Variants in MOB3B observed in about 807,000 individuals in gnomAD.
MOB3B encodes MOB kinase activator-like 2B.
In MOB3B, 7 loss-of-function variants were observed where a neutral mutation model predicts 18.7. The ratio of observed to expected loss-of-function variants is 0.37; its 90% CI spans 0.21 to 0.70. The LOEUF (loss-of-function observed/expected upper bound fraction) is 0.70. Among genes scored for constraint, MOB3B ranks in the 30% least tolerant of loss-of-function variants. The pLI is 0.52. For synonymous variants in MOB3B, 111 were observed against 99.9 expected, an observed-to-expected ratio of 1.11 and a Z score of -0.66; for missense variants, 253 against 281.3, an observed-to-expected ratio of 0.90 and a Z score of 0.72.
At chr9:27,487,584 G>A (rs1442489368) in intron 1 of MOB3B, among the ~76,000 whole-genome samples, 2 of 151,952 alleles carry the variant, frequency 1.3e-5, no homozygotes, top group East Asian at 3.9e-4. Flanking sequence ...GCTGCCTGAT[G>A]TACCACGAGT....
intron 3 of MOB3B, among the ~76,000 whole-genome samples, chr9:27,341,616 T>G (rs750097678): frequency 1.3e-5 from 2 of 152,208 alleles, no homozygotes; most frequent in Non-Finnish European, 2.9e-5. Flanking sequence ...TACCACCTAT[T>G]GAAACATGTT....
At chr9:27,341,484 A>G (rs1820940628) in intron 3 of MOB3B, among the ~76,000 whole-genome samples, 1 of 152,228 alleles carries the variant, frequency 6.6e-6, no homozygotes, top group African/African-American at 2.4e-5. Context: ...GGAAGTCTGT[A>G]GTTTCTAAGC....
intron 2 of MOB3B, among the ~76,000 whole-genome samples, chr9:27,384,429 C>T (rs1324802458): frequency 1.3e-5 from 2 of 152,016 alleles, no homozygotes; most frequent in Non-Finnish European, 2.9e-5. Flanking sequence ...TTTCAGAGCT[C>T]AGTAATTCAA....
At chr9:27,485,319 G>T (rs1216762213) in intron 1 of MOB3B, among the ~76,000 whole-genome samples, 1 of 152,152 alleles carries the variant, frequency 6.6e-6, no homozygotes, top group East Asian at 1.9e-4. Context: ...ATTTTACACA[G>T]GAAGGAAATG....
At chr9:27,527,848 C>T (rs878989851) in intron 1 of MOB3B, among the ~76,000 whole-genome samples, 2 of 152,104 alleles carry the variant, frequency 1.3e-5, no homozygotes, top group Non-Finnish European at 2.9e-5. Flanking sequence ...TTGCTTTTGC[C>T]CCAGTTCTTT....
chr9:27,347,429 C>T (rs1821043473), intron 3 of MOB3B, among the ~76,000 whole-genome samples: 1 of 152,234 alleles, frequency 6.6e-6, no homozygotes, highest in Non-Finnish European at 1.5e-5. Flanking sequence ...CAGCCATGTT[C>T]CTGGAACGTA....
chr9:27,446,816 G>A (rs924135622), intron 2 of MOB3B, among the ~76,000 whole-genome samples: 1 of 152,152 alleles, frequency 6.6e-6, no homozygotes, highest in Admixed American at 6.6e-5. Flanking sequence ...CTAAAATTAT[G>A]CTAGTAAAAT....
rs1035088155 is a variant in MOB3B at position 27,330,427 on chromosome 9, C to T, written c.*160G>A. ...CAGCACTCAGAAGGTTAAGAGCACA[C>T]AAAGTGAGTGGGGAATGTCTCTCAG... On this transcript the variant is annotated 3_prime_UTR_variant, in exon 4 of 4. Coordinates refer to ENST00000262244, the MANE Select transcript of MOB3B (RefSeq NM_024761.5). 1 of 896,334 alleles carries T rather than the reference C, an allele frequency of 1.1e-6. No homozygotes were observed. Among genetic ancestry groups the T allele is most frequent in the South Asian group, 1.8e-5 (1 of 56,940 alleles). The allele number at this position is 896,334 out of a possible 1,614,324, so 55.5% of individuals were successfully genotyped here.
chr9:27,523,791 A>G (rs1820380090), intron 1 of MOB3B, among the ~76,000 whole-genome samples: 1 of 152,184 alleles, frequency 6.6e-6, no homozygotes, highest in African/African-American at 2.4e-5. Context: ...AATTGGAAAA[A>G]CCTAAACTAT....
intron 2 of MOB3B, among the ~76,000 whole-genome samples, chr9:27,432,766 G>A (rs1822435336): frequency 6.6e-6 from 1 of 152,152 alleles, no homozygotes; most frequent in African/African-American, 2.4e-5. Context: ...ATTTTAATCA[G>A]TGTTAATGCA....
intron 2 of MOB3B, among the ~76,000 whole-genome samples, chr9:27,404,414 G>C (rs1390409170): frequency 7.9e-6 from 1 of 126,310 alleles, no homozygotes; most frequent in East Asian, 2.4e-4. Flanking sequence ...GGAGTGCAAT[G>C]GTGCGATCTC....
At chr9:27,465,289 G>A (rs1447427039) in intron 1 of MOB3B, among the ~76,000 whole-genome samples, 1 of 152,160 alleles carries the variant, frequency 6.6e-6, no homozygotes, top group Non-Finnish European at 1.5e-5. Context: ...AAATCCAGCA[G>A]GGCAGTCAAA....
chr9:27,520,726 C>T (rs938507743), intron 1 of MOB3B, among the ~76,000 whole-genome samples: 8 of 152,178 alleles, frequency 5.3e-5, no homozygotes, highest in African/African-American at 1.7e-4. Context: ...GAAATGCAAT[C>T]AAATGTAACT....
At chr9:27,466,406 G>A (rs557850579) in intron 1 of MOB3B, among the ~76,000 whole-genome samples, 1 of 152,132 alleles carries the variant, frequency 6.6e-6, no homozygotes, top group East Asian at 1.9e-4. Context: ...TCTTTAGGAG[G>A]TTCCAAACTT....
intron 1 of MOB3B, among the ~76,000 whole-genome samples, chr9:27,520,468 T>G (rs1820306834): frequency 6.6e-6 from 1 of 152,218 alleles, no homozygotes; most frequent in African/African-American, 2.4e-5. Flanking sequence ...AAATGTTTCC[T>G]TACACTGTCA....
chr9:27,459,877 A>C (rs1237367493), intron 1 of MOB3B, among the ~76,000 whole-genome samples: 1 of 42,510 alleles, frequency 2.4e-5, no homozygotes, highest in South Asian at 1.3e-3. Flanking sequence ...TTCAGTCTCC[A>C]AAAAAAAAAA....
At chr9:27,388,945 G>A (rs930965490) in intron 2 of MOB3B, among the ~76,000 whole-genome samples, 2 of 152,188 alleles carry the variant, frequency 1.3e-5, no homozygotes, top group Admixed American at 6.5e-5. Flanking sequence ...CCTGACCACT[G>A]TAAACAACTT....
At chr9:27,343,797 T>C (rs1820992682) in intron 3 of MOB3B, among the ~76,000 whole-genome samples, 1 of 151,422 alleles carries the variant, frequency 6.6e-6, no homozygotes, top group Non-Finnish European at 1.5e-5. Context: ...GTGGAATGCA[T>C]TGAAAATTGG....
intron 2 of MOB3B, among the ~76,000 whole-genome samples, chr9:27,417,339 G>A (rs1333589272): frequency 6.6e-6 from 1 of 152,148 alleles, no homozygotes; most frequent in South Asian, 2.1e-4. Context: ...ACTCCAGCTT[G>A]GGCGACAGAG....
Sources: gnomAD v4.1 joint callset for allele counts (sites outside exome capture counted in the v4.1 genomes callset) on GRCh38, gnomAD v4.1.1 for gene constraint, MANE v1.5 for transcripts, NCBI Gene and HGNC (gene_info 2026-07-23, HGNC 2026-07-21) for gene names.